The following SIK3 variants were observed in gnomAD, a reference collection of about 807,000 sequenced individuals.
SIK3 encodes SIK family kinase 3.
In SIK3, 28 loss-of-function variants were observed where a neutral mutation model predicts 144.2. The ratio of observed to expected loss-of-function variants is 0.19; its 90% CI spans 0.14 to 0.27. SIK3 has a LOEUF of 0.27. Ranked by LOEUF, SIK3 falls within the 10% of genes least tolerant of loss-of-function variation. The pLI, the probability that SIK3 is intolerant of heterozygous loss-of-function variation, is 1.00. For synonymous variants in SIK3, 686 were observed against 676.3 expected (o/e 1.01, Z -0.22); for missense variants, 1,319 against 1,776.0 (o/e 0.74, Z 4.62).
intron 3 of SIK3, among the ~76,000 whole-genome samples, chr11:116,944,965 CTTTTTTT>C (rs201545149): frequency 2.1e-5 from 3 of 145,800 alleles, no homozygotes; most frequent in African/African-American, 7.5e-5. Context: ...TTTCTTTTTT[CTTTTTTT>C]TTTTTGAGAC....
At position 117,069,189 on chromosome 11, in the gene SIK3, G is replaced by C. The variant is rs1028879112; in HGVS notation, c.273+28954C>G. 2.4e-4 allele frequency among the ~76,000 whole-genome samples: 34 copies of C among 144,264 alleles called. No homozygotes were observed. The East Asian group carries it at 3.7e-3, about 16-fold the overall frequency. The allele number at this position is 144,264 out of a possible 152,430, so 94.6% of individuals were successfully genotyped here. A position where few individuals can be genotyped will look rare whatever the true frequency, so the allele number is the denominator to read the frequency against. On this transcript the variant is annotated intron_variant, in intron 1 of 24. Coordinates refer to ENST00000445177, the MANE Select transcript of SIK3 (RefSeq NM_001366686.3). ...TAGTTGTTAAGATTTTTTTTTGGGGGGGGGGGGGTTTGTTGTTGTTATTTT... is the reference window on the plus strand; with the variant it reads ...TAGTTGTTAAGATTTTTTTTTGGGGCGGGGGGGGTTTGTTGTTGTTATTTT...
chr11:116,927,019 GA>G (rs34416738), intron 4 of SIK3, among the ~76,000 whole-genome samples, 199 bp downstream of exon 4: 6,891 of 110,686 alleles, frequency 0.062, 552 homozygotes, highest in African/African-American at 0.2. Flanking sequence ...ACTCAGTCTC[GA>G]AAAAAAAAAA....
chr11:116,990,381 T>C (rs567432238), intron 1 of SIK3, among the ~76,000 whole-genome samples: 6 of 152,210 alleles, frequency 3.9e-5, no homozygotes, highest in Non-Finnish European at 7.4e-5. Flanking sequence ...CTTTGAGAGA[T>C]AGAGATAATG....
chr11:116,933,593 A>T (rs778964589), intron 3 of SIK3, among the ~76,000 whole-genome samples: 19 of 152,252 alleles, frequency 1.2e-4, no homozygotes, highest in Admixed American at 3.3e-4. Context: ...TGTGTATAGA[A>T]TTTTATATGA....
At chr11:116,933,731 C>T (rs1947752223) in intron 3 of SIK3, among the ~76,000 whole-genome samples, 1 of 152,126 alleles carries the variant, frequency 6.6e-6, no homozygotes, top group Non-Finnish European at 1.5e-5. Flanking sequence ...GCCTCAAACT[C>T]CTACACTCAA....
At chr11:117,022,834 TAA>T (rs61697392) in intron 1 of SIK3, among the ~76,000 whole-genome samples, 2,588 of 145,896 alleles carry the variant, frequency 0.018, 59 homozygotes, top group African/African-American at 0.052. Context: ...GTGAAGAAGT[TAA>T]AAAAAAAAAA....
At chr11:117,004,704 T>C (rs1950978449) in intron 1 of SIK3, among the ~76,000 whole-genome samples, 1 of 151,950 alleles carries the variant, frequency 6.6e-6, no homozygotes, top group African/African-American at 2.4e-5. Flanking sequence ...AACCACAGAG[T>C]CACAGGAATA....
chr11:117,016,344 AGGAG>A (rs369358544), intron 1 of SIK3, among the ~76,000 whole-genome samples: 16 of 98,642 alleles, frequency 1.6e-4, no homozygotes, highest in East Asian at 1.3e-3. Context: ...GAAGGAAGGA[AGGAG>A]GGAGGGAGGG....
intron 3 of SIK3, among the ~76,000 whole-genome samples, chr11:116,942,453 T>C (rs1230928257): frequency 6.6e-6 from 1 of 152,214 alleles, no homozygotes; most frequent in Non-Finnish European, 1.5e-5. Flanking sequence ...ACGTAAATTT[T>C]ATTGACTCAA....
chr11:116,937,644 C>CA (rs1372441807), intron 3 of SIK3, among the ~76,000 whole-genome samples: 1 of 152,060 alleles, frequency 6.6e-6, no homozygotes, highest in Non-Finnish European at 1.5e-5. Flanking sequence ...TCACTCATAT[C>CA]AAAAAAGTGA....
At chr11:116,965,964 A>G (rs909081491) in intron 1 of SIK3, among the ~76,000 whole-genome samples, 5 of 150,478 alleles carry the variant, frequency 3.3e-5, no homozygotes, top group South Asian at 2.1e-4. Context: ...AGCAGGAAAG[A>G]AGGAGGACAG....
At chr11:117,010,318 C>T (rs1231186045) in intron 1 of SIK3, among the ~76,000 whole-genome samples, 1 of 152,098 alleles carries the variant, frequency 6.6e-6, no homozygotes, top group Non-Finnish European at 1.5e-5. Flanking sequence ...TTCTTCTCTG[C>T]AAAACAATGG....
chr11:116,847,699 G>A (rs61905145), intron 22 of SIK3, 91 bp from the exon 23 acceptor site: 229,869 of 1,561,136 alleles, frequency 0.15, 17,601 homozygotes, highest in Admixed American at 0.2. Context: ...AAGGAGCCCA[G>A]GCAAAAGACA....
Position 116,876,983 on chromosome 11 carries a change from C to T in SIK3, c.925G>A (p.Glu309Lys), listed in dbSNP as rs772111033. 9 of 1,614,110 alleles carry T rather than the reference C, an allele frequency of 5.6e-6. No homozygotes were observed. The Admixed American group carries it at 1.5e-4, about 27-fold the overall frequency. ...VLDPNKRLSM[E>K]QICKHKWMKL... Reference sequence around the variant, plus strand: ...ATCCACTTGTGCTTGCAGATCTGCTCCATGGAGAGGCGCTTATTGGGATCT... The same window carrying T: ...ATCCACTTGTGCTTGCAGATCTGCTTCATGGAGAGGCGCTTATTGGGATCT... The change falls in exon 7 of 25, where the codon GAG becomes AAG. Residue 309 changes from glutamate to lysine, a missense_variant. Glu to Lys is a moderately conservative substitution (Grantham distance 56). Coordinates refer to ENST00000445177, the MANE Select transcript of SIK3 (RefSeq NM_001366686.3).
At chr11:117,049,992 T>C (rs893822163) in intron 1 of SIK3, among the ~76,000 whole-genome samples, 16 of 151,200 alleles carry the variant, frequency 1.1e-4, no homozygotes, top group African/African-American at 3.4e-4. Context: ...TATTATAGTA[T>C]AATTATATAA....
chr11:116,855,023 T>C (rs895449677), intron 21 of SIK3, among the ~76,000 whole-genome samples: 3 of 138,746 alleles, frequency 2.2e-5, no homozygotes, highest in African/African-American at 8.6e-5. Flanking sequence ...GAGGGGTAGG[T>C]TGCAGTGAGC....
chr11:117,023,601 CAAACAAACAAAAAAAA>C (rs1236484579), intron 1 of SIK3, among the ~76,000 whole-genome samples: 2 of 36,404 alleles, frequency 5.5e-5, no homozygotes, highest in African/African-American at 4.3e-4. Flanking sequence ...AACAAACAAA[CAAACAAACAAAAAAAA>C]AAAAATATAT....
At chr11:117,067,811 A>AC (rs35187263) in intron 1 of SIK3, among the ~76,000 whole-genome samples, 67,942 of 151,628 alleles carry the variant, frequency 0.45, 18,919 homozygotes, top group Non-Finnish European at 0.64. Context: ...ACATGGTGAA[A>AC]CCCCATCTCT....
intron 6 of SIK3, among the ~76,000 whole-genome samples, chr11:116,885,467 G>A (rs2044426): frequency 0.071 from 10,778 of 152,132 alleles, 445 homozygotes; most frequent in Middle Eastern, 0.12. Context: ...TAAAGGGTAG[G>A]GATGCCAAGA....
Sources: allele counts gnomAD v4.1 joint callset (sites outside exome capture counted in the v4.1 genomes callset), GRCh38; gene constraint gnomAD v4.1.1; transcripts MANE v1.5; gene names NCBI Gene and HGNC (gene_info 2026-07-23, HGNC 2026-07-21).